RSU1: variants seen among roughly 807,000 people sequenced by gnomAD.
RSU1 encodes rsu-1.
Under a neutral mutation model 31.1 loss-of-function variants are expected in RSU1, and 26 were observed. The observed-to-expected ratio is 0.84, with a 90% CI of 0.61 to 1.16. The LOEUF is 1.16. RSU1 is among the 50% of genes most tolerant of loss of function. The pLI, the probability that RSU1 is intolerant of heterozygous loss-of-function variation, is 0.00. For synonymous variants in RSU1, 164 were observed against 136.3 expected, an observed-to-expected ratio of 1.20 and a Z score of -1.41; for missense variants, 320 against 339.1, an observed-to-expected ratio of 0.94 and a Z score of 0.44.
At chr10:16,731,972 G>A (rs1309541027) in intron 7 of RSU1, among the ~76,000 whole-genome samples, 1 of 152,100 alleles carries the variant, frequency 6.6e-6, no homozygotes, top group Non-Finnish European at 1.5e-5. Flanking sequence ...CAGAATCTAT[G>A]GCTTTCATTG....
At position 16,724,160 on chromosome 10, in the gene RSU1, C is replaced by A. The variant is rs541391206; in HGVS notation, c.598+28379G>T. On this transcript the variant is annotated intron_variant, in intron 7 of 8. Transcript: ENST00000345264. Reference sequence around the variant, plus strand: ...GCTTCACCATGTTGGCCAGGCTGGTCTCGAACTCCTGACCTCAGGTAATTT... The same window carrying A: ...GCTTCACCATGTTGGCCAGGCTGGTATCGAACTCCTGACCTCAGGTAATTT... Among the ~76,000 whole-genome samples, 7 of 152,208 alleles carry A rather than the reference C, an allele frequency of 4.6e-5. No homozygotes were observed. The South Asian group carries it at 1.5e-3, about 32-fold the overall frequency.
intron 7 of RSU1, among the ~76,000 whole-genome samples, chr10:16,733,900 G>C (rs1414330385): frequency 6.6e-6 from 1 of 152,198 alleles, no homozygotes; most frequent in Non-Finnish European, 1.5e-5. Context: ...GCAAATTACA[G>C]CTGGCAAAGT....
intron 8 of RSU1, among the ~76,000 whole-genome samples, chr10:16,600,859 G>C (rs1198742879): frequency 6.6e-6 from 1 of 152,134 alleles, no homozygotes; most frequent in Non-Finnish European, 1.5e-5. Context: ...ACAGCGCCTG[G>C]CTGATAGGTG....
rs538977550 is a variant in RSU1 at position 16,761,729 on chromosome 10, G to A, written c.281+2661C>T. Among the ~76,000 whole-genome samples, 14 of 152,032 alleles carry A rather than the reference G, an allele frequency of 9.2e-5. No individual in the cohort carries two copies. In the South Asian group the frequency reaches 1.0e-3, roughly 11 times the overall value. ...AAATTAGCTGGGCGTGGTGGCAGGC[G>A]CCTGTAGTCCCAGCTACTTGGGAGG... On this transcript the variant is annotated intron_variant, in intron 4 of 8. Coordinates refer to ENST00000345264, the MANE Select transcript of RSU1 (RefSeq NM_012425.4).
chr10:16,601,118 G>A lies in RSU1; in HGVS notation c.732-7622C>T, dbSNP rs187800399. On this transcript the variant is annotated intron_variant, in intron 8 of 8. Coordinates refer to ENST00000345264, the MANE Select transcript of RSU1 (RefSeq NM_012425.4). ...TTTTATAACTTTAATGATTGTCTCC[G>A]AGCAGCTGCTCTCCAAGTCCTCATC... Among the ~76,000 whole-genome samples, 26 of 152,106 alleles carry A rather than the reference G, an allele frequency of 1.7e-4. No homozygotes were observed. The East Asian group carries it at 3.7e-3, about 22-fold the overall frequency.
intron 2 of RSU1, among the ~76,000 whole-genome samples, chr10:16,810,508 T>C (rs1008375698): frequency 3.9e-5 from 6 of 152,064 alleles, no homozygotes; most frequent in Non-Finnish European, 7.4e-5. Context: ...CTCGCCAGTG[T>C]GTGGCAACGG....
At chr10:16,665,141 G>C (rs151179965) in intron 8 of RSU1, among the ~76,000 whole-genome samples, 5 of 151,900 alleles carry the variant, frequency 3.3e-5, no homozygotes, top group Non-Finnish European at 7.4e-5. Context: ...ATGGGGTTTC[G>C]TCATGTTGGC....
At chr10:16,693,490 A>T (rs1835606913) in intron 8 of RSU1, among the ~76,000 whole-genome samples, 1 of 152,082 alleles carries the variant, frequency 6.6e-6, no homozygotes, top group African/African-American at 2.4e-5. Context: ...AAAAAAAAAA[A>T]AGAAAAGAAA....
intron 7 of RSU1, among the ~76,000 whole-genome samples, chr10:16,711,627 C>T: frequency 6.6e-6 from 1 of 152,104 alleles, no homozygotes; most frequent in East Asian, 1.9e-4. Context: ...TTTCATTTCT[C>T]TGTTAATTTA....
chr10:16,621,996 CCTTG>C (rs1417497312), intron 8 of RSU1, among the ~76,000 whole-genome samples: 2 of 152,040 alleles, frequency 1.3e-5, no homozygotes, highest in Admixed American at 6.6e-5. Flanking sequence ...AATACAGGTG[CCTTG>C]CTTGAGGGAA....
intron 2 of RSU1, among the ~76,000 whole-genome samples, chr10:16,813,036 A>C (rs1336423012): frequency 6.6e-6 from 1 of 150,888 alleles, no homozygotes; most frequent in Non-Finnish European, 1.5e-5. Flanking sequence ...TAGTAACACG[A>C]TCATAGCTCA....
At chr10:16,618,496 A>G (rs556577564) in intron 8 of RSU1, among the ~76,000 whole-genome samples, 64 of 152,378 alleles carry the variant, frequency 4.2e-4, no homozygotes, top group African/African-American at 1.5e-3. Context: ...AAAGGATTAT[A>G]AATCATTCTA....
At chr10:16,697,195 C>T (rs1835693341) in intron 7 of RSU1, among the ~76,000 whole-genome samples, 1 of 152,156 alleles carries the variant, frequency 6.6e-6, no homozygotes, top group Admixed American at 6.5e-5. Context: ...GCAATGCCCT[C>T]ATCAGCTGGG....
chr10:16,630,148 C>T (rs1834225115), intron 8 of RSU1, among the ~76,000 whole-genome samples: 1 of 152,060 alleles, frequency 6.6e-6, no homozygotes, highest in African/African-American at 2.4e-5. Flanking sequence ...TCAAGTGATC[C>T]TCCTGCATCG....
intron 8 of RSU1, among the ~76,000 whole-genome samples, chr10:16,673,687 G>A (rs1018300732): frequency 9.2e-5 from 14 of 152,138 alleles, no homozygotes; most frequent in Admixed American, 6.5e-4. Context: ...GATGAGCAAC[G>A]GCACAGCCTC....
At chr10:16,709,409 G>A (rs555658962) in intron 7 of RSU1, among the ~76,000 whole-genome samples, 74 of 152,180 alleles carry the variant, frequency 4.9e-4, no homozygotes, top group African/African-American at 1.6e-3. Context: ...TGGACATTTC[G>A]GTTGGTTCCA....
chr10:16,816,603 G>A (rs2131284764), intron 2 of RSU1, among the ~76,000 whole-genome samples: 1 of 152,326 alleles, frequency 6.6e-6, no homozygotes, highest in Middle Eastern at 3.4e-3. Flanking sequence ...GAACTTTTCT[G>A]TGTCATTTGT....
intron 8 of RSU1, among the ~76,000 whole-genome samples, chr10:16,625,953 T>C (rs542811956): frequency 2.6e-5 from 4 of 152,288 alleles, no homozygotes; most frequent in African/African-American, 9.6e-5. Flanking sequence ...GTTGTGAACA[T>C]TCGGTAACAT....
At chr10:16,763,110 C>T (rs184640563) in intron 4 of RSU1, among the ~76,000 whole-genome samples, 33 of 152,232 alleles carry the variant, frequency 2.2e-4, no homozygotes, top group African/African-American at 7.7e-4. Flanking sequence ...ATTTAATGAA[C>T]ATATGACTTT....
Sources: allele counts gnomAD v4.1 joint callset (sites outside exome capture counted in the v4.1 genomes callset), GRCh38; gene constraint gnomAD v4.1.1; transcripts MANE v1.5; gene names NCBI Gene and HGNC (gene_info 2026-07-23, HGNC 2026-07-21).